Variants in DAB1 observed in about 807,000 individuals in gnomAD.
DAB1 encodes DAB adaptor protein 1.
In DAB1, 15 loss-of-function variants were observed where a neutral mutation model predicts 64.6. The ratio of observed to expected loss-of-function variants is 0.23; its 90% confidence interval spans 0.16 to 0.36. DAB1 has a LOEUF of 0.36. Among genes scored for constraint, DAB1 ranks in the 10% least tolerant of loss-of-function variants. DAB1 has a pLI of 1.00. For synonymous variants in DAB1, 235 were observed against 251.9 expected (o/e 0.93, Z 0.64); for missense variants, 596 against 706.7 (o/e 0.84, Z 1.78).
rs76131988 is a variant in DAB1, at chr1:57,461,622, C to T, written n.626-170456G>A. On this transcript the variant is annotated intron_variant and non_coding_transcript_variant, in intron 7 of 20. Transcript: ENST00000485760. ...TGACCCTGTGTGTTTGCCCAGGCTG[C>T]GCCCTCTGTCAGGAATGCCCCCAAC... 3.2e-4 allele frequency among the ~76,000 whole-genome samples: 48 copies of T among 152,296 alleles called. No homozygotes were observed. The East Asian group carries it at 7.6e-3, about 24-fold the overall frequency.
At chr1:58,075,629 T>C (rs574828008) in intron 5 of DAB1, among the ~76,000 whole-genome samples, 2 of 152,238 alleles carry the variant, frequency 1.3e-5, no homozygotes, top group Non-Finnish European at 2.9e-5. Context: ...TAAGCTGTCC[T>C]GATTGATTCA....
rs569842369 is a variant in DAB1, at chr1:58,394,293, A to G, written n.258-50890T>C. On this transcript the variant is annotated intron_variant and non_coding_transcript_variant, in intron 3 of 20. Coordinates refer to the DAB1 transcript ENST00000485760. ...ATGGAGAATGCTACAGAACTTTGGAAGCTATTTGTCAGTTTCTCTTAAAAT... is the reference window on the plus strand; with the variant it reads ...ATGGAGAATGCTACAGAACTTTGGAGGCTATTTGTCAGTTTCTCTTAAAAT... Among the ~76,000 whole-genome samples the G allele has an allele frequency of 5.3e-5, 8 of 152,360 alleles. No homozygotes were observed. The South Asian group carries it at 1.4e-3, about 28-fold the overall frequency.
At chr1:57,505,881 G>C (rs1644337831) in intron 7 of DAB1, among the ~76,000 whole-genome samples, 1 of 152,038 alleles carries the variant, frequency 6.6e-6, no homozygotes, top group African/African-American at 2.4e-5. Flanking sequence ...TTCTGCCCAG[G>C]CTGGTATGGA....
intron 5 of DAB1, among the ~76,000 whole-genome samples, chr1:57,997,711 G>A (rs576968882): frequency 6.6e-6 from 1 of 152,222 alleles, no homozygotes; most frequent in South Asian, 2.1e-4. Context: ...GGGAGAAGGA[G>A]AAATTTTTAT....
chr1:57,519,295 G>T (rs920631317), intron 7 of DAB1, among the ~76,000 whole-genome samples: 4 of 152,144 alleles, frequency 2.6e-5, no homozygotes, highest in African/African-American at 4.8e-5. Context: ...CACATGACAG[G>T]TGGGCAAGTT....
intron 12 of DAB1, 95 bp downstream of exon 12, chr1:57,014,769 ACAAAGAAGCCTGATTAATG>A: frequency 1.3e-6 from 1 of 794,660 alleles, no homozygotes; most frequent in Non-Finnish European, 1.9e-6. Context: ...AATAATATAA[ACAAAGAAGCCTGATTAATG>A]CAAGTGAGAT....
At chr1:57,698,393 T>C (rs1570748945) in intron 6 of DAB1, among the ~76,000 whole-genome samples, 1 of 152,146 alleles carries the variant, frequency 6.6e-6, no homozygotes, top group Admixed American at 6.5e-5. Flanking sequence ...CCACAGTGCC[T>C]GTCCTTCTCT....
chr1:57,413,507 G>A lies in DAB1; in HGVS notation c.-137+10423C>T, dbSNP rs541703119. ...CTGTAATCCCAGCACTTTGGGAGGC[G>A]GAAGCGGGTGGATCACGAGGTCAGG... On this transcript the variant is annotated intron_variant, in intron 1 of 14. Transcript: ENST00000371236. 1.4e-3 allele frequency among the ~76,000 whole-genome samples: 209 copies of A among 152,042 alleles called. 2 individuals are homozygous for A. The highest frequency in any genetic ancestry group is 4.5e-3 in the African/African-American group (188 of 41,484).
chr1:57,426,107 T>C (rs1685275284), upstream of DAB1, among the ~76,000 whole-genome samples: 1 of 152,224 alleles, frequency 6.6e-6, no homozygotes, highest in Admixed American at 6.5e-5. Context: ...GCTTTGAGGA[T>C]AGGCTTAGAA....
At chr1:58,000,564 CT>C (rs869176789) in intron 5 of DAB1, among the ~76,000 whole-genome samples, 1,344 of 95,750 alleles carry the variant, frequency 0.014, 2 homozygotes, top group African/African-American at 0.039. Flanking sequence ...TCTTTTTTGC[CT>C]TTTTTTTTTT....
chr1:58,327,413 T>C (rs1662859260), intron 4 of DAB1, among the ~76,000 whole-genome samples: 2 of 152,102 alleles, frequency 1.3e-5, no homozygotes, highest in Non-Finnish European at 1.5e-5. Context: ...TGATTAATGA[T>C]CCCATTCCTA....
At chr1:58,225,624 A>G (rs1659428169) in intron 4 of DAB1, among the ~76,000 whole-genome samples, 1 of 144,286 alleles carries the variant, frequency 6.9e-6, no homozygotes, top group Non-Finnish European at 1.5e-5. Flanking sequence ...AGGGAATACT[A>G]TGCAGCCATA....
At chr1:57,080,883 G>A (rs888867560) in intron 4 of DAB1, among the ~76,000 whole-genome samples, 3 of 152,032 alleles carry the variant, frequency 2.0e-5, no homozygotes, top group Non-Finnish European at 2.9e-5. Context: ...AGTTGGTAGC[G>A]GGATAGAATA....
At chr1:57,711,379 C>T (rs775081279) in intron 6 of DAB1, among the ~76,000 whole-genome samples, 2 of 152,216 alleles carry the variant, frequency 1.3e-5, no homozygotes, top group Non-Finnish European at 2.9e-5. Flanking sequence ...GATTTCATAA[C>T]ACCTTATTCT....
At chr1:58,235,134 T>G (rs1659959385) in intron 4 of DAB1, among the ~76,000 whole-genome samples, 2 of 152,212 alleles carry the variant, frequency 1.3e-5, no homozygotes, top group Non-Finnish European at 2.9e-5. Context: ...GGTAGCTCAT[T>G]AGAAATGGCA....
At chr1:58,247,997 C>A (rs899044386) in intron 4 of DAB1, among the ~76,000 whole-genome samples, 2 of 151,960 alleles carry the variant, frequency 1.3e-5, no homozygotes, top group African/African-American at 4.8e-5. Context: ...CAAAAGATTC[C>A]ATTTTTAAAA....
At chr1:57,981,826 C>T (rs571306237) in intron 5 of DAB1, among the ~76,000 whole-genome samples, 1 of 152,282 alleles carries the variant, frequency 6.6e-6, no homozygotes, top group African/African-American at 2.4e-5. Context: ...ATTGCAGATG[C>T]CCAAGCTAGT....
At chr1:58,364,325 C>A (rs1395480598) in intron 3 of DAB1, among the ~76,000 whole-genome samples, 1 of 152,160 alleles carries the variant, frequency 6.6e-6, no homozygotes, top group East Asian at 1.9e-4. Context: ...ATGAGCTATT[C>A]CTGGGGTAAC....
In DAB1 at chr1:57,984,184, A is replaced by AAAAAAAAAGAAAG. The variant is rs1276859040; in HGVS notation, n.388-100023_388-100022insCTTTCTTTTTTTT. Among the ~76,000 whole-genome samples the AAAAAAAAAGAAAG allele has an allele frequency of 2.0e-4, 10 of 50,716 alleles. 2 individuals are homozygous for AAAAAAAAAGAAAG. The highest frequency in any genetic ancestry group is 5.4e-4 in the Admixed American group (2 of 3,698). 33.3% of individuals were successfully genotyped at this position (50,716 alleles called of 152,430 possible). ...TTCAGGGCCCAGGACTAGCTTAAAAAAAAGAAAGAAAGAAAGAAAGAAAGA... is the reference window on the plus strand; with the variant it reads ...TTCAGGGCCCAGGACTAGCTTAAAAAAAAAAAAAGAAAGAAAGAAAGAAAGAAAGAAAGAAAGA... On this transcript the variant is annotated intron_variant and non_coding_transcript_variant, in intron 5 of 20. Transcript: ENST00000485760.
Sources: gnomAD v4.1 joint callset for allele counts (sites outside exome capture counted in the v4.1 genomes callset) on GRCh38, gnomAD v4.1.1 for gene constraint, MANE v1.5 for transcripts, NCBI Gene and HGNC (gene_info 2026-07-23, HGNC 2026-07-21) for gene names.